MKNK1: variants seen among roughly 807,000 people sequenced by gnomAD.
The protein encoded by MKNK1 is MAP kinase-interacting serine/threonine-protein kinase 1.
MKNK1 carries 30 observed loss-of-function variants against 49.3 expected under a neutral mutation model. The ratio of observed to expected loss-of-function variants is 0.61; its 90% CI spans 0.46 to 0.83. MKNK1 has a LOEUF of 0.83. MKNK1 is among the 40% of genes least tolerant of loss of function. The probability of loss-of-function intolerance (pLI) is 0.00; values close to 1 mark genes in which losing one functional copy is unlikely to be tolerated. For synonymous variants in MKNK1, 176 were observed against 201.7 expected, an observed-to-expected ratio of 0.87 and a Z score of 1.08; for missense variants, 423 against 524.7, an observed-to-expected ratio of 0.81 and a Z score of 1.89.
chr1:46,578,912 C>T (rs1671363346), intron 4 of MKNK1, among the ~76,000 whole-genome samples: 1 of 151,858 alleles, frequency 6.6e-6, no homozygotes, highest in Admixed American at 6.6e-5. Flanking sequence ...TGCACCACAC[C>T]CGGCTAATAT....
chr1:46,586,406 T>C (rs1672577167), intron 2 of MKNK1: 1 of 166,274 alleles, frequency 6.0e-6, no homozygotes. Flanking sequence ...TAGTAGTTGG[T>C]GCTCCATCCT....
rs8602 is a variant in MKNK1 at position 46,557,859 on chromosome 1, C to A, written c.*716G>T. The A allele has an allele frequency of 0.23, 34,427 of 152,216 alleles. 4,187 individuals carry two copies. Among genetic ancestry groups the A allele is most frequent in the Admixed American group, 0.34 (5,135 of 15,286 alleles). The allele number at this position is 152,216 out of a possible 1,614,324, so 9.4% of individuals were successfully genotyped here. A position where few individuals can be genotyped will look rare whatever the true frequency, so the allele number is the denominator to read the frequency against. ...GTGGGAGTTTAAGGTATCATCTTTG[C>A]TGGAACAGCATGGTTAAAAACACCA... On this transcript the variant is annotated 3_prime_UTR_variant, in exon 13 of 13. Coordinates refer to ENST00000371945, the MANE Select transcript of MKNK1 (RefSeq NM_001135553.4).
At chr1:46,567,655 C>T (rs966542359) in intron 8 of MKNK1, among the ~76,000 whole-genome samples, 1 of 152,138 alleles carries the variant, frequency 6.6e-6, no homozygotes, top group African/African-American at 2.4e-5. Flanking sequence ...ATTTATGAGC[C>T]GCGGCTTCAT....
rs989888114 is a variant in MKNK1, at chr1:46,565,531, C to A, written c.514-395G>T. The stretch of plus-strand genomic sequence containing the variant: ...GAGTGTAAAGGAGCTTGCAGTAAAA[C>A]CTCTGACCGCCTCAGGTGGCTTAGG... On this transcript the variant is annotated intron_variant, in intron 8 of 12. Transcript: ENST00000371945. 12 of 209,786 alleles carry A rather than the reference C, an allele frequency of 5.7e-5. No homozygotes were observed. The South Asian group carries it at 9.1e-4, about 16-fold the overall frequency. 13.0% of individuals were successfully genotyped at this position (209,786 alleles called of 1,614,324 possible). A position where few individuals can be genotyped will look rare whatever the true frequency, so the allele number is the denominator to read the frequency against.
intron 8 of MKNK1, among the ~76,000 whole-genome samples, chr1:46,567,380 C>T (rs922297531): frequency 1.3e-5 from 2 of 152,120 alleles, no homozygotes; most frequent in Non-Finnish European, 2.9e-5. Flanking sequence ...TCAGTTTCCT[C>T]GTCCATAAAA....
intron 12 of MKNK1, 51 bp from the exon 13 acceptor site, chr1:46,558,851 G>A (rs1667425406): frequency 6.6e-7 from 1 of 1,511,916 alleles, no homozygotes; most frequent in East Asian, 2.3e-5. Context: ...TCTAGGGTCA[G>A]CCAGGCCAGC....
At chr1:46,571,109 G>C (rs1670042708) in intron 7 of MKNK1, among the ~76,000 whole-genome samples, 1 of 152,230 alleles carries the variant, frequency 6.6e-6, no homozygotes, top group Non-Finnish European at 1.5e-5. Context: ...AAAACAATTT[G>C]TGGAAAGATT....
Position 46,604,239 on chromosome 1 carries a change from C to T in MKNK1, c.-225G>A, listed in dbSNP as rs1004851135. On this transcript the variant is annotated 5_prime_UTR_variant, in exon 1 of 13. Transcript: ENST00000371945. ...CGCGCACCCCTACCTGCAGATCGCT[C>T]CTCCGAGAACGCGGAAGAGGCGGTG... The T allele has an allele frequency of 2.0e-5, 3 of 152,234 alleles. No homozygotes were observed. The highest frequency in any genetic ancestry group is 4.4e-5 in the Non-Finnish European group (3 of 68,050). 9.4% of individuals were successfully genotyped at this position (152,234 alleles called of 1,614,324 possible). A position where few individuals can be genotyped will look rare whatever the true frequency, so the allele number is the denominator to read the frequency against.
Position 46,571,698 on chromosome 1 carries a change from G to T in MKNK1, c.457+365C>A, listed in dbSNP as rs139876820. On this transcript the variant is annotated intron_variant, in intron 7 of 12. Transcript: ENST00000371945. Reference sequence around the variant, plus strand: ...AATAACATCAAGATATTCACACTAAGAAGGTTGTATTGTGTATGAGCTTTA... The same window carrying T: ...AATAACATCAAGATATTCACACTAATAAGGTTGTATTGTGTATGAGCTTTA... Among the ~76,000 whole-genome samples, 23 of 152,304 alleles carry T rather than the reference G, an allele frequency of 1.5e-4. 1 individual carries two copies. The East Asian group carries it at 3.7e-3, about 24-fold the overall frequency.
intron 11 of MKNK1, 102 bp from the exon 12 acceptor site, chr1:46,560,379 G>A (rs1414538559): frequency 2.4e-6 from 3 of 1,247,382 alleles, no homozygotes; most frequent in South Asian, 1.2e-5. Flanking sequence ...GGCTGCTGGC[G>A]CAGCACAGGG....
At chr1:46,597,550 T>C (rs1674241668) in intron 1 of MKNK1, among the ~76,000 whole-genome samples, 1 of 152,242 alleles carries the variant, frequency 6.6e-6, no homozygotes, top group Admixed American at 6.5e-5. Flanking sequence ...ACCAACCCTC[T>C]ATGGGAGTCT....
intron 3 of MKNK1, among the ~76,000 whole-genome samples, chr1:46,582,436 G>A (rs533683669): frequency 2.0e-5 from 3 of 152,282 alleles, no homozygotes; most frequent in Admixed American, 6.5e-5. Flanking sequence ...ATTCCCAACC[G>A]ATAAAGTGCT....
intron 2 of MKNK1, among the ~76,000 whole-genome samples, chr1:46,592,740 G>A (rs1673510556): frequency 6.6e-6 from 1 of 152,176 alleles, no homozygotes; most frequent in African/African-American, 2.4e-5. Flanking sequence ...AGAAGGTGGG[G>A]GCAAAGACCA....
chr1:46,570,377 CAG>C (rs1378952632), intron 7 of MKNK1: 1 of 152,240 alleles, frequency 6.6e-6, no homozygotes, highest in African/African-American at 2.4e-5. Context: ...CTTTCAGAAA[CAG>C]AGCTGATGCT....
intron 5 of MKNK1, 169 bp downstream of exon 5, chr1:46,576,406 G>A (rs1670961921): frequency 1.7e-6 from 1 of 594,202 alleles, no homozygotes; most frequent in Non-Finnish European, 3.0e-6. Context: ...TGCTGTTACT[G>A]CTGCTTTTCC....
At chr1:46,587,817 CA>C (rs146354532) in intron 2 of MKNK1, among the ~76,000 whole-genome samples, 5 of 141,976 alleles carry the variant, frequency 3.5e-5, no homozygotes, top group African/African-American at 1.3e-4. Context: ...AACTCCGTCT[CA>C]AAAAAAAAAC....
intron 2 of MKNK1, chr1:46,586,003 G>T: frequency 8.9e-7 from 1 of 1,128,546 alleles, no homozygotes; most frequent in Non-Finnish European, 1.2e-6. Context: ...AGGAAGATGG[G>T]TGAAGTGAAA....
chr1:46,558,924 C>T (rs747832944), intron 12 of MKNK1, 124 bp from the exon 13 acceptor site: 25 of 780,412 alleles, frequency 3.2e-5, no homozygotes, highest in Admixed American at 8.3e-5. Flanking sequence ...AGAGCTGGGA[C>T]GGGCTGCTCT....
chr1:46,591,309 C>T (rs375962204), intron 2 of MKNK1, among the ~76,000 whole-genome samples: 296 of 152,224 alleles, frequency 1.9e-3, no homozygotes, highest in Non-Finnish European at 3.3e-3. Context: ...CATTTCACTC[C>T]GCTGCAATGA....
Sources: gnomAD v4.1 joint callset for allele counts (sites outside exome capture counted in the v4.1 genomes callset) on GRCh38, gnomAD v4.1.1 for gene constraint, MANE v1.5 for transcripts, NCBI Gene and HGNC (gene_info 2026-07-23, HGNC 2026-07-21) for gene names.